TCN1: variants seen among roughly 807,000 people sequenced by gnomAD.
TCN1 encodes the protein transcobalamin-1.
Under a neutral mutation model 46.3 loss-of-function variants are expected in TCN1, and 47 were observed. The observed-to-expected ratio is 1.01, with a 90% CI of 0.80 to 1.29. The LOEUF (loss-of-function observed/expected upper bound fraction) is 1.29, where lower values mean the gene tolerates loss of function less well. TCN1 is among the 50% of genes most tolerant of loss of function. The probability of loss-of-function intolerance (pLI) is 0.00; values close to 1 mark genes in which losing one functional copy is unlikely to be tolerated. For synonymous variants in TCN1, 183 were observed against 192.5 expected, an observed-to-expected ratio of 0.95 and a Z score of 0.41; for missense variants, 532 against 511.0, an observed-to-expected ratio of 1.04 and a Z score of -0.40.
intron 1 of TCN1, 100 bp from the exon 2 acceptor site, chr11:59,864,186 G>T: frequency 1.5e-6 from 2 of 1,345,840 alleles, no homozygotes; most frequent in Non-Finnish European, 2.1e-6. Flanking sequence ...ATATGGCACA[G>T]ACCTAGACCA....
At chr11:59,862,480 C>T (rs911138885) in intron 3 of TCN1, 102 bp downstream of exon 3, 31 of 1,406,310 alleles carry the variant, frequency 2.2e-5, no homozygotes, top group South Asian at 5.8e-5. Context: ...GTGAGATGAA[C>T]GGGATGAAGA....
chr11:59,859,156 G>A lies in TCN1; in HGVS notation c.668C>T (p.Ser223Leu). 1 of 1,614,044 alleles carries A rather than the reference G, an allele frequency of 6.2e-7. No homozygotes were observed. Among genetic ancestry groups the A allele is most frequent in the Non-Finnish European group, 8.5e-7 (1 of 1,180,028 alleles). Reference sequence around the variant, plus strand: ...CTCAGACAGAATCTTTTCTACCAGTGACTTTGTATAAATACTGATGTTCTT... The same window carrying A: ...CTCAGACAGAATCTTTTCTACCAGTAACTTTGTATAAATACTGATGTTCTT... ...SLKNISIYTK[S>L]LVEKILSEKK... is the part of the protein sequence containing the mutation. Residue 223 changes from serine to leucine, a missense_variant, in exon 5 of 9, where the codon TCA (serine) becomes TTA (leucine). Transcript: ENST00000257264.
intron 3 of TCN1, among the ~76,000 whole-genome samples, chr11:59,862,335 G>A (rs1458966115): frequency 1.3e-5 from 2 of 151,920 alleles, no homozygotes; most frequent in South Asian, 2.1e-4. Flanking sequence ...GTGTGTGTGT[G>A]TATGTGTGTG....
chr11:59,860,376 G>T (rs1437352847), intron 4 of TCN1, among the ~76,000 whole-genome samples: 1 of 151,560 alleles, frequency 6.6e-6, no homozygotes, highest in Non-Finnish European at 1.5e-5. Flanking sequence ...TGATCCACCC[G>T]CCTCGGCCTC....
intron 1 of TCN1, among the ~76,000 whole-genome samples, chr11:59,865,953 A>G (rs1853068480): frequency 1.3e-5 from 2 of 152,182 alleles, no homozygotes; most frequent in African/African-American, 2.4e-5. Flanking sequence ...ACTATTTGAA[A>G]GAGATTATTA....
At chr11:59,858,157 G>GTAAA (rs1852967164) in intron 5 of TCN1, among the ~76,000 whole-genome samples, 1 of 152,130 alleles carries the variant, frequency 6.6e-6, no homozygotes, top group Non-Finnish European at 1.5e-5. Context: ...CCATTATTAA[G>GTAAA]TAAATACGGG....
chr11:59,854,676 T>C lies in TCN1; in HGVS notation c.1097A>G (p.Gln366Arg), dbSNP rs1819707522. ...CCCAAATATAGTATCATTCATTTTC[T>C]GGGCTTTCTCCATCACACTGAGGAA... Reference protein sequence around the residue: ...SVFLSVMEKAQKMNDTIFGFT... With the variant: ...SVFLSVMEKARKMNDTIFGFT... The change falls in exon 7 of 9, where the codon CAG becomes CGG. Residue 366 changes from glutamine to arginine, a missense_variant. Transcript: ENST00000257264. The C allele has an allele frequency of 6.2e-7, 1 of 1,614,018 alleles. No homozygotes were observed.
chr11:59,858,767 G>A (rs1257083448), intron 5 of TCN1, among the ~76,000 whole-genome samples: 1 of 152,130 alleles, frequency 6.6e-6, no homozygotes, highest in Non-Finnish European at 1.5e-5. Flanking sequence ...TCAGGAGTTC[G>A]AGACCGGCCT....
In TCN1 at chr11:59,863,932, T is replaced by G; in HGVS notation, c.234A>C (p.Gln78His). ...ATCTGCTTTTCACATTGTATTTGAT[T>G]TGTTGGATCATCTTTTGCATCAGGG... ...IQTLMQKMIQ[Q>H]IKYNVKSRLS... Residue 78 changes from glutamine (Q) to histidine (H), a missense_variant, in exon 2 of 9, where the codon CAA becomes CAC. Coordinates refer to ENST00000257264, the MANE Select transcript of TCN1 (RefSeq NM_001062.4). 3 of 1,613,946 alleles carry G rather than the reference T, an allele frequency of 1.9e-6. No homozygotes were observed. Among genetic ancestry groups the G allele is most frequent in the Non-Finnish European group, 2.5e-6 (3 of 1,179,822 alleles).
intron 5 of TCN1, 27 bp from the exon 6 acceptor site, chr11:59,856,085 G>GGGA: frequency 5.1e-6 from 3 of 585,326 alleles, no homozygotes; most frequent in Non-Finnish European, 9.6e-6. Flanking sequence ...GGGTGGGGGG[G>GGGA]TGATGAGAGA....
At position 59,859,268 on chromosome 11, in the gene TCN1, C is replaced by T. The variant is rs769785413; in HGVS notation, c.557-1G>A. 2 of 1,613,172 alleles carry T rather than the reference C, an allele frequency of 1.2e-6. No individual in the cohort carries two copies. Among genetic ancestry groups the T allele is most frequent in the African/African-American group, 2.7e-5 (2 of 74,932 alleles). On this transcript the variant is annotated splice_acceptor_variant, in intron 4 of 8. Transcript: ENST00000257264. LOFTEE classifies it high-confidence loss of function. ...GCCAGGACAGCCATTGCACCAGTAT[C>T]TGTCAGGAAACAAAACATTGTTGAT...
intron 4 of TCN1, among the ~76,000 whole-genome samples, chr11:59,860,144 T>G (rs532970335): frequency 1.3e-5 from 2 of 152,102 alleles, no homozygotes; most frequent in East Asian, 3.9e-4. Flanking sequence ...TGTTTTTTGG[T>G]TTTTTTTGAG....
intron 4 of TCN1, among the ~76,000 whole-genome samples, chr11:59,860,165 G>A (rs1374257178): frequency 6.6e-6 from 1 of 152,042 alleles, no homozygotes; most frequent in Non-Finnish European, 1.5e-5. Flanking sequence ...ACGGAGTCTC[G>A]CTCTTGCTGC....
chr11:59,862,848 G>A (rs964141134), intron 2 of TCN1, 126 bp from the exon 3 acceptor site: 57 of 1,057,028 alleles, frequency 5.4e-5, no homozygotes, highest in East Asian at 7.6e-5. Flanking sequence ...GTCTTGTGTC[G>A]CTTAATGATA....
chr11:59,860,362 C>G (rs1394255716), intron 4 of TCN1, among the ~76,000 whole-genome samples: 1 of 151,748 alleles, frequency 6.6e-6, no homozygotes, highest in African/African-American at 2.4e-5. Flanking sequence ...CTCCCGACCT[C>G]AGGTGATCCA....
At position 59,852,844 on chromosome 11, in the gene TCN1, T is replaced by G. The variant is rs759310048; in HGVS notation, c.*131A>C. ...ATCTTTCAACAACTTTTATTGAACA[T>G]GTAGAGAGAGAAGGGGAGGTTATTA... On this transcript the variant is annotated 3_prime_UTR_variant, in exon 9 of 9. Coordinates refer to ENST00000257264, the MANE Select transcript of TCN1 (RefSeq NM_001062.4). 2 of 838,400 alleles carry G rather than the reference T, an allele frequency of 2.4e-6. No individual in the cohort carries two copies. Among genetic ancestry groups the G allele is most frequent in the Non-Finnish European group, 4.2e-6 (2 of 478,168 alleles). 51.9% of individuals were successfully genotyped at this position (838,400 alleles called of 1,614,324 possible). A position where few individuals can be genotyped will look rare whatever the true frequency, so the allele number is the denominator to read the frequency against.
rs775961101 is a variant in TCN1, at chr11:59,866,480, AGT to A, written c.-12_-11del. On this transcript the variant is annotated 5_prime_UTR_variant, in exon 1 of 9. Transcript: ENST00000257264. ...GGTGTGACTGTCTCATCTCTCCAAC[AGT>A]GTACCAGAATGTTGATGAATTGGCT... 6.2e-7 allele frequency: 1 copy of A among 1,612,978 alleles called. No individual in the cohort carries two copies. Among genetic ancestry groups the A allele is most frequent in the Admixed American group, 1.7e-5 (1 of 59,972 alleles).
intron 3 of TCN1, 65 bp downstream of exon 3, chr11:59,862,515 CAT>C: frequency 6.3e-7 from 1 of 1,577,224 alleles, no homozygotes; most frequent in Non-Finnish European, 8.7e-7. Context: ...AGGGAAACTT[CAT>C]ATAGTTTTGA....
chr11:59,862,319 A>ATG lies in TCN1; in HGVS notation c.400+261_400+262dup, dbSNP rs111246786. On this transcript the variant is annotated intron_variant, in intron 3 of 8. Transcript: ENST00000257264. ...AGAGAATGGTGACTTGTGTGTGTGC[A>ATG]TGTGTGTGTGTGTGTGTATGTGTGT... Among the ~76,000 whole-genome samples the ATG allele has an allele frequency of 5.3e-4, 80 of 150,418 alleles. 1 individual carries two copies. The highest frequency in any genetic ancestry group is 3.3e-3 in the Admixed American group (50 of 15,078).
Sources: allele counts gnomAD v4.1 joint callset (sites outside exome capture counted in the v4.1 genomes callset), GRCh38; gene constraint gnomAD v4.1.1; transcripts MANE v1.5; gene names NCBI Gene and HGNC (gene_info 2026-07-23, HGNC 2026-07-21).